Variants in GGA2 observed in about 807,000 individuals in gnomAD.
The protein encoded by GGA2 is golgi associated, gamma adaptin ear containing, ARF binding protein 2.
In GGA2, 48 loss-of-function variants were observed where a neutral mutation model predicts 79.5. That is an observed-to-expected ratio of 0.60 (90% CI 0.48 to 0.77). The LOEUF is 0.77. Ranked by LOEUF, GGA2 falls within the 30% of genes least tolerant of loss-of-function variation. The probability of loss-of-function intolerance (pLI) is 0.00; values close to 1 mark genes in which losing one functional copy is unlikely to be tolerated. For missense variants in GGA2, 770 were observed against 774.0 expected (o/e 0.99, Z 0.06); for synonymous variants, 317 against 302.0 (o/e 1.05, Z -0.51).
chr16:23,505,944 G>T (rs1389086137), intron 1 of GGA2, among the ~76,000 whole-genome samples: 1 of 152,062 alleles, frequency 6.6e-6, no homozygotes, highest in South Asian at 2.1e-4. Flanking sequence ...TTTGGTAAGC[G>T]GGTATGGGTA....
At chr16:23,475,770 A>G (rs1964569671) in intron 13 of GGA2, among the ~76,000 whole-genome samples, 1 of 151,650 alleles carries the variant, frequency 6.6e-6, no homozygotes, top group African/African-American at 2.4e-5. Context: ...AAAAAATAAA[A>G]AATAAAAAAT....
rs996207300 is a variant in GGA2, at chr16:23,466,463, G to C, written c.*1127C>G. The C allele has an allele frequency of 1.3e-5, 2 of 152,138 alleles. No individual in the cohort carries two copies. Among genetic ancestry groups the C allele is most frequent in the Admixed American group, 6.6e-5 (1 of 15,266 alleles). 9.4% of individuals were successfully genotyped at this position (152,138 alleles called of 1,614,324 possible). A position where few individuals can be genotyped will look rare whatever the true frequency, so the allele number is the denominator to read the frequency against. ...GATCTTCAGGTTCTCTCTTCTCTGA[G>C]GCAGCTAAGCTTCTACATCCTTCAT... On this transcript the variant is annotated 3_prime_UTR_variant, in exon 17 of 17. Transcript: ENST00000309859.
At chr16:23,480,620 G>A (rs1596981542) in intron 10 of GGA2, 25 bp downstream of exon 10, 2 of 1,593,156 alleles carry the variant, frequency 1.3e-6, no homozygotes, top group East Asian at 2.3e-5. Context: ...AGGCAGAGAA[G>A]GCAAGGAGAA....
chr16:23,486,012 T>C lies in GGA2; in HGVS notation c.798+3A>G. On this transcript the variant is annotated splice_donor_region_variant and intron_variant, in intron 8 of 16. Transcript: ENST00000309859. ...GCAGCCCCCTGTGTTACACCTGTAT[T>C]ACCTGCAGGGCCTCCTGGTCGGGCG... 6.2e-7 allele frequency: 1 copy of C among 1,613,714 alleles called. No individual in the cohort carries two copies. The highest frequency in any genetic ancestry group is 8.5e-7 in the Non-Finnish European group (1 of 1,179,768).
chr16:23,468,772 CA>C (rs758950568), intron 16 of GGA2, 113 bp downstream of exon 16: 22 of 647,270 alleles, frequency 3.4e-5, no homozygotes, highest in Non-Finnish European at 5.7e-5. Context: ...CTGTGCCCAG[CA>C]AACCAGAGAC....
chr16:23,493,545 G>A (rs913876588), intron 3 of GGA2, 87 bp from the exon 4 acceptor site: 4 of 861,004 alleles, frequency 4.6e-6, no homozygotes, highest in Middle Eastern at 2.3e-4. Flanking sequence ...GCTGGAGACT[G>A]CGCTGGAACC....
rs200755753 is a variant in GGA2, at chr16:23,497,110, C to A, written c.92-1332G>T. On this transcript the variant is annotated intron_variant, in intron 1 of 16. Transcript: ENST00000309859. ...GGAGAGCAAGATCCTGCCTCAAAAACAAAAAAAAAAAACAACCACCCTTCC... is the reference window on the plus strand; with the variant it reads ...GGAGAGCAAGATCCTGCCTCAAAAAAAAAAAAAAAAAACAACCACCCTTCC... Among the ~76,000 whole-genome samples the A allele has an allele frequency of 1.2e-4, 17 of 144,912 alleles. No individual in the cohort carries two copies. The South Asian group carries it at 1.3e-3, about 11-fold the overall frequency.
intron 12 of GGA2, 26 bp from the exon 13 acceptor site, chr16:23,478,527 A>C (rs771523810): frequency 1.9e-6 from 3 of 1,601,014 alleles, no homozygotes; most frequent in Non-Finnish European, 2.6e-6. Flanking sequence ...TGGCTAAAAT[A>C]AGACCAGGGT....
chr16:23,464,025 G>A lies in GGA2; in HGVS notation c.*3565C>T, dbSNP rs1964404715. On this transcript the variant is annotated 3_prime_UTR_variant, in exon 17 of 17. Coordinates refer to ENST00000309859, the MANE Select transcript of GGA2 (RefSeq NM_015044.4). Reference sequence around the variant, plus strand: ...ACGCTGGGTAAGCATCTTCTATAATGGGTATATTTAAAGGATTTGGGATTA... The same window carrying A: ...ACGCTGGGTAAGCATCTTCTATAATAGGTATATTTAAAGGATTTGGGATTA... 6.6e-6 allele frequency: 1 copy of A among 152,140 alleles called. No individual in the cohort carries two copies. Among genetic ancestry groups the A allele is most frequent in the South Asian group, 2.1e-4 (1 of 4,830 alleles). The allele number at this position is 152,140 out of a possible 1,614,324, so 9.4% of individuals were successfully genotyped here.
At chr16:23,479,017 A>G in intron 11 of GGA2, 106 bp from the exon 12 acceptor site, 1 of 826,516 alleles carries the variant, frequency 1.2e-6, no homozygotes, top group South Asian at 1.4e-5. Flanking sequence ...AAGTCTAGAC[A>G]AATAAGCAAC....
intron 6 of GGA2, among the ~76,000 whole-genome samples, chr16:23,487,735 C>T (rs879061774): frequency 2.6e-5 from 4 of 152,032 alleles, no homozygotes; most frequent in African/African-American, 7.2e-5. Flanking sequence ...AGGAGGAAAG[C>T]GGAGAAAGGT....
intron 12 of GGA2, 124 bp from the exon 13 acceptor site, chr16:23,478,625 G>C (rs756450753): frequency 2.1e-6 from 2 of 931,604 alleles, no homozygotes; most frequent in Middle Eastern, 2.1e-4. Context: ...GACATCTCTT[G>C]GGGCAAGAGG....
Position 23,488,713 on chromosome 16 carries a change from A to G in GGA2, c.476-4T>C. 1.3e-6 allele frequency: 2 copies of G among 1,509,530 alleles called. No individual in the cohort carries two copies. The highest frequency in any genetic ancestry group is 1.8e-6 in the Non-Finnish European group (2 of 1,085,736). 93.5% of individuals were successfully genotyped at this position (1,509,530 alleles called of 1,614,324 possible). On this transcript the variant is annotated splice_polypyrimidine_tract_variant and splice_region_variant and intron_variant, in intron 5 of 16. Transcript: ENST00000309859. ...TTAGGGTCTTGTTTTATAATTCCTA[A>G]AAATGCAATTTACAAAGTTAAGACA...
In GGA2 at chr16:23,507,813, T is replaced by C. The variant is rs909652636; in HGVS notation, c.91+2508A>G. ...AGACTCCATCTCAAAAATAAATAAA[T>C]AAATAAATAAAAATACATTTAAAAA... On this transcript the variant is annotated intron_variant, in intron 1 of 16. Transcript: ENST00000309859. 2.0e-5 allele frequency among the ~76,000 whole-genome samples: 3 copies of C among 151,102 alleles called. No homozygotes were observed. In the Admixed American group the frequency reaches 2.0e-4, roughly 10 times the overall value.
intron 6 of GGA2, 40 bp downstream of exon 6, chr16:23,488,565 GA>G: frequency 8.6e-7 from 1 of 1,169,546 alleles, no homozygotes; most frequent in Non-Finnish European, 1.3e-6. Flanking sequence ...GTGCCTAAGA[GA>G]AAAGGTCTGA....
chr16:23,480,583 C>G, intron 10 of GGA2, 62 bp downstream of exon 10: 8 of 1,471,320 alleles, frequency 5.4e-6, no homozygotes, highest in Middle Eastern at 2.3e-4. Flanking sequence ...GGACCCATTT[C>G]TTTTCTGGGA....
intron 10 of GGA2, 98 bp from the exon 11 acceptor site, chr16:23,479,985 A>C: frequency 3.6e-6 from 4 of 1,102,942 alleles, no homozygotes; most frequent in Non-Finnish European, 2.6e-6. Context: ...TCCTAATCAA[A>C]TGGTAACGCC....
At chr16:23,473,807 G>A (rs1964544536) in intron 14 of GGA2, among the ~76,000 whole-genome samples, 1 of 152,076 alleles carries the variant, frequency 6.6e-6, no homozygotes, top group Non-Finnish European at 1.5e-5. Flanking sequence ...CTACAATACA[G>A]TTATTGAATT....
chr16:23,478,236 AAAAG>A (rs1221769817), intron 13 of GGA2, 128 bp downstream of exon 13: 32 of 672,484 alleles, frequency 4.8e-5, no homozygotes, highest in South Asian at 2.0e-4. Context: ...AAAAAAAAAA[AAAAG>A]AAAGAAAGAA....
Sources: allele counts gnomAD v4.1 joint callset (sites outside exome capture counted in the v4.1 genomes callset), GRCh38; gene constraint gnomAD v4.1.1; transcripts MANE v1.5; gene names NCBI Gene and HGNC (gene_info 2026-07-23, HGNC 2026-07-21).